The following PDGFD variants were observed in gnomAD, a reference collection of about 807,000 sequenced individuals.
The protein encoded by PDGFD is platelet derived growth factor D.
In PDGFD, 30 loss-of-function variants were observed where a neutral mutation model predicts 44.7. That is an observed-to-expected ratio of 0.67 (90% confidence interval 0.50 to 0.91). The LOEUF is 0.91. PDGFD is among the 40% of genes least tolerant of loss of function. The pLI is 0.00. For missense variants in PDGFD, 445 were observed against 457.8 expected (o/e 0.97, Z 0.25); for synonymous variants, 173 against 168.4 (o/e 1.03, Z -0.21).
chr11:104,144,484 C>G (rs1455543139), intron 1 of PDGFD, among the ~76,000 whole-genome samples: 1 of 87,082 alleles, frequency 1.1e-5, no homozygotes, highest in Non-Finnish European at 2.1e-5. Flanking sequence ...TTAGCCTGGG[C>G]AATAAGAGCA....
intron 3 of PDGFD, among the ~76,000 whole-genome samples, chr11:103,956,516 A>C (rs1003283546): frequency 8.4e-5 from 12 of 143,036 alleles, no homozygotes; most frequent in Non-Finnish European, 1.4e-4. Context: ...GTACCACAAT[A>C]AACATACGTG....
intron 1 of PDGFD, among the ~76,000 whole-genome samples, chr11:104,023,695 T>G (rs1157787485): frequency 1.3e-5 from 2 of 152,148 alleles, no homozygotes; most frequent in Non-Finnish European, 2.9e-5. Context: ...TAAGTAAACA[T>G]GATCTGGAGA....
chr11:104,116,983 G>A (rs561815117), intron 1 of PDGFD, among the ~76,000 whole-genome samples: 74 of 151,944 alleles, frequency 4.9e-4, no homozygotes, highest in African/African-American at 1.6e-3. Context: ...TCCCAGTCTC[G>A]AGTATGTCTT....
intron 6 of PDGFD, among the ~76,000 whole-genome samples, chr11:103,914,390 C>G (rs1447566181): frequency 6.6e-6 from 1 of 152,160 alleles, no homozygotes; most frequent in Non-Finnish European, 1.5e-5. Flanking sequence ...CCTCTCAAGA[C>G]TAAACCAGGA....
chr11:104,125,705 G>A (rs1228279197), intron 1 of PDGFD, among the ~76,000 whole-genome samples: 2 of 152,064 alleles, frequency 1.3e-5, no homozygotes, highest in African/African-American at 4.8e-5. Context: ...TTACTTTACT[G>A]TGTATTTACC....
rs190303468 is a variant in PDGFD at position 104,004,006 on chromosome 11, G to A, written c.125-3751C>T. On this transcript the variant is annotated intron_variant, in intron 1 of 6. Coordinates refer to ENST00000393158, the MANE Select transcript of PDGFD (RefSeq NM_025208.5). The stretch of plus-strand genomic sequence containing the variant: ...AAAACAAGACCAGGGGACAATAGAC[G>A]GAGAAAAGACCACAGAACTTGGTAA... 1.8e-4 allele frequency among the ~76,000 whole-genome samples: 27 copies of A among 152,234 alleles called. 1 individual carries two copies. Among genetic ancestry groups the A allele is most frequent in the South Asian group, 4.2e-4 (2 of 4,818 alleles).
intron 3 of PDGFD, among the ~76,000 whole-genome samples, chr11:103,957,733 G>A (rs535924038): frequency 2.0e-5 from 3 of 152,222 alleles, no homozygotes; most frequent in South Asian, 4.1e-4. Context: ...GAAGAGAAGG[G>A]GGTCATTGAT....
chr11:104,065,395 T>C lies in PDGFD; in HGVS notation c.125-65140A>G, dbSNP rs189102328. Among the ~76,000 whole-genome samples, 24 of 152,308 alleles carry C rather than the reference T, an allele frequency of 1.6e-4. 1 individual carries two copies. In the East Asian group the frequency reaches 4.6e-3, roughly 29 times the overall value. ...TCAACAAACTATCACTCTAACCACA[T>C]GCCTTACTAAAGGTTTGGATTTTCT... On this transcript the variant is annotated intron_variant, in intron 1 of 6. Transcript: ENST00000393158.
rs1231343860 is a variant in PDGFD at position 103,912,397 on chromosome 11, A to T, written c.988-2578T>A. 2.0e-5 allele frequency among the ~76,000 whole-genome samples: 3 copies of T among 152,326 alleles called. No individual in the cohort carries two copies. In the East Asian group the frequency reaches 5.8e-4, roughly 29 times the overall value. ...CCAAACCAAGCTTCCTAAGTGAAGG[A>T]GAAATAAAATCCTCTACAGAGAAGC... On this transcript the variant is annotated intron_variant, in intron 6 of 6. Coordinates refer to ENST00000393158, the MANE Select transcript of PDGFD (RefSeq NM_025208.5).
intron 6 of PDGFD, among the ~76,000 whole-genome samples, chr11:103,916,199 A>G (rs1275995371): frequency 6.6e-6 from 1 of 152,236 alleles, no homozygotes; most frequent in Non-Finnish European, 1.5e-5. Flanking sequence ...TCGATCTGAC[A>G]AAGGCTAATA....
chr11:103,967,345 T>G (rs1859035773), intron 3 of PDGFD, among the ~76,000 whole-genome samples: 2 of 152,206 alleles, frequency 1.3e-5, no homozygotes, highest in African/African-American at 2.4e-5. Flanking sequence ...GTCAGTGTCC[T>G]TGGTTTGCAG....
chr11:104,006,681 G>A (rs538323585), intron 1 of PDGFD, among the ~76,000 whole-genome samples: 2 of 152,320 alleles, frequency 1.3e-5, no homozygotes, highest in African/African-American at 2.4e-5. Flanking sequence ...GACGAACAGC[G>A]TGGCAGAGAG....
chr11:104,082,137 C>CATATATAT (rs937501432), intron 1 of PDGFD, among the ~76,000 whole-genome samples: 8 of 123,264 alleles, frequency 6.5e-5, no homozygotes, highest in African/African-American at 2.7e-4. Context: ...TACATACATA[C>CATATATAT]ATATATATAT....
chr11:104,127,893 G>A (rs570250306), intron 1 of PDGFD, among the ~76,000 whole-genome samples: 27 of 152,242 alleles, frequency 1.8e-4, no homozygotes, highest in African/African-American at 5.1e-4. Context: ...AGCTATTAGC[G>A]TTAGTATTGG....
chr11:104,036,330 G>GTGAA (rs1860231721), intron 1 of PDGFD, among the ~76,000 whole-genome samples: 1 of 152,038 alleles, frequency 6.6e-6, no homozygotes, highest in Non-Finnish European at 1.5e-5. Context: ...TGTAGTTCCA[G>GTGAA]CTTTTCAGGA....
intron 1 of PDGFD, among the ~76,000 whole-genome samples, chr11:104,155,449 G>T (rs1862294106): frequency 6.6e-6 from 1 of 152,166 alleles, no homozygotes; most frequent in African/African-American, 2.4e-5. Flanking sequence ...TCAAGACCTG[G>T]AAATATAAGA....
At chr11:104,073,384 TTTC>T (rs1860907949) in intron 1 of PDGFD, among the ~76,000 whole-genome samples, 1 of 152,210 alleles carries the variant, frequency 6.6e-6, no homozygotes, top group Non-Finnish European at 1.5e-5. Flanking sequence ...CATGGTATTA[TTTC>T]TTATTTTATT....
intron 3 of PDGFD, among the ~76,000 whole-genome samples, chr11:103,973,115 T>C (rs912311192): frequency 6.6e-6 from 1 of 150,776 alleles, no homozygotes; most frequent in African/African-American, 2.4e-5. Flanking sequence ...GCATTAATGA[T>C]ATAACGAAGA....
At chr11:103,960,249 T>C (rs1306807486) in intron 3 of PDGFD, among the ~76,000 whole-genome samples, 1 of 152,200 alleles carries the variant, frequency 6.6e-6, no homozygotes, top group Admixed American at 6.5e-5. Context: ...AAATAGGGAT[T>C]GGGTGAACTA....
Sources: allele counts gnomAD v4.1 joint callset (sites outside exome capture counted in the v4.1 genomes callset), GRCh38; gene constraint gnomAD v4.1.1; transcripts MANE v1.5; gene names NCBI Gene and HGNC (gene_info 2026-07-23, HGNC 2026-07-21).